Variants in CDH13 observed in about 807,000 individuals in gnomAD.
The protein encoded by CDH13 is cadherin 13, also known as cadherin-13.
In CDH13, 24 loss-of-function variants were observed where a neutral mutation model predicts 63.8. That is an observed-to-expected ratio of 0.38 (90% confidence interval 0.27 to 0.53). CDH13 has a LOEUF of 0.53. Among genes scored for constraint, CDH13 ranks in the 20% least tolerant of loss-of-function variants. CDH13 has a pLI of 0.85. For synonymous variants in CDH13, 503 were observed against 355.3 expected (o/e 1.42, Z -4.67); for missense variants, 1,049 against 903.1 (o/e 1.16, Z -2.07).
chr16:82,937,452 C>A (rs2042706581), intron 2 of CDH13, among the ~76,000 whole-genome samples: 1 of 152,126 alleles, frequency 6.6e-6, no homozygotes, highest in African/African-American at 2.4e-5. Flanking sequence ...CACACACACA[C>A]ACACACACAG....
chr16:83,095,057 C>A (rs941722675), intron 3 of CDH13, among the ~76,000 whole-genome samples: 13 of 152,180 alleles, frequency 8.5e-5, no homozygotes, highest in African/African-American at 2.7e-4. Context: ...AAATCCCACT[C>A]TTCCTCCCAA....
intron 6 of CDH13, among the ~76,000 whole-genome samples, chr16:83,474,993 C>T (rs2073564449): frequency 6.6e-6 from 1 of 152,256 alleles, no homozygotes; most frequent in Non-Finnish European, 1.5e-5. Context: ...GAGGCCGAGA[C>T]ACTGAGTGTC....
chr16:83,232,549 C>CAAAAAA (rs752481819), intron 5 of CDH13, among the ~76,000 whole-genome samples: 1 of 104,472 alleles, frequency 9.6e-6, no homozygotes, highest in African/African-American at 3.2e-5. Flanking sequence ...CAACAACAAA[C>CAAAAAA]AAACAAAAAA....
rs74034253 is a variant in CDH13 at position 83,516,980 on chromosome 16, T to C, written c.960+30325T>C. Among the ~76,000 whole-genome samples, 541 of 152,100 alleles carry C rather than the reference T, an allele frequency of 3.6e-3. 2 individuals carry two copies. Among genetic ancestry groups the C allele is most frequent in the African/African-American group, 0.012 (518 of 41,486 alleles). On this transcript the variant is annotated intron_variant, in intron 7 of 13. Coordinates refer to ENST00000567109, the MANE Select transcript of CDH13 (RefSeq NM_001257.5). ...AAAATATTGTCACCAGAGAAATCAG[T>C]GAGTGTAAGAAATTGCTGGTGTAGT...
intron 6 of CDH13, among the ~76,000 whole-genome samples, chr16:83,356,961 C>T (rs911965633): frequency 6.6e-6 from 1 of 152,102 alleles, no homozygotes; most frequent in Non-Finnish European, 1.5e-5. Context: ...CTTGTGTTTT[C>T]TTTCTTGCTC....
At chr16:82,791,124 C>A (rs2036276423) in intron 1 of CDH13, among the ~76,000 whole-genome samples, 1 of 151,872 alleles carries the variant, frequency 6.6e-6, no homozygotes, top group Non-Finnish European at 1.5e-5. Context: ...GCAGTTCCAG[C>A]TACTCGGGAG....
At chr16:82,950,106 G>A (rs1310577994) in intron 2 of CDH13, among the ~76,000 whole-genome samples, 1 of 152,110 alleles carries the variant, frequency 6.6e-6, no homozygotes, top group Non-Finnish European at 1.5e-5. Context: ...TAAATTTCCT[G>A]TCAATCTCTT....
At chr16:83,687,761 C>T (rs539741383) in intron 10 of CDH13, among the ~76,000 whole-genome samples, 4 of 152,354 alleles carry the variant, frequency 2.6e-5, no homozygotes, top group Admixed American at 2.0e-4. Flanking sequence ...GTGCAGGTCT[C>T]TCACAGAACT....
At chr16:83,327,283 G>T (rs1300642949) in intron 5 of CDH13, among the ~76,000 whole-genome samples, 1 of 152,210 alleles carries the variant, frequency 6.6e-6, no homozygotes, top group Non-Finnish European at 1.5e-5. Flanking sequence ...TTTTGAGAGT[G>T]ACAATAACTT....
Position 82,801,267 on chromosome 16 carries a change from G to C in CDH13, c.46-57095G>C, listed in dbSNP as rs572239550. Among the ~76,000 whole-genome samples the C allele has an allele frequency of 6.6e-5, 10 of 152,262 alleles. No individual in the cohort carries two copies. In the South Asian group the frequency reaches 2.1e-3, roughly 32 times the overall value. ...CAAGCCATTTCCCACTCTGCTATCA[G>C]CCTGTTTCTGTTAACCTGGCTGGTG... On this transcript the variant is annotated intron_variant, in intron 1 of 13. Coordinates refer to ENST00000567109, the MANE Select transcript of CDH13 (RefSeq NM_001257.5).
At chr16:83,351,457 G>A (rs1229248444) in intron 6 of CDH13, among the ~76,000 whole-genome samples, 4 of 152,132 alleles carry the variant, frequency 2.6e-5, no homozygotes, top group African/African-American at 9.7e-5. Flanking sequence ...TCTACACAGA[G>A]AGATGCAGGT....
intron 6 of CDH13, among the ~76,000 whole-genome samples, chr16:83,408,422 C>G (rs1480762866): frequency 1.3e-5 from 2 of 152,164 alleles, no homozygotes; most frequent in South Asian, 2.1e-4. Flanking sequence ...ACATGCCTAT[C>G]CTGTATGACA....
At position 83,047,146 on chromosome 16, in the gene CDH13, C is replaced by A. The variant is rs945112686; in HGVS notation, c.366+14928C>A. Among the ~76,000 whole-genome samples the A allele has an allele frequency of 3.3e-5, 5 of 152,160 alleles. No individual in the cohort carries two copies. The highest frequency in any genetic ancestry group is 1.2e-4 in the African/African-American group (5 of 41,422). On this transcript the variant is annotated intron_variant, in intron 3 of 13. Coordinates refer to ENST00000567109, the MANE Select transcript of CDH13 (RefSeq NM_001257.5). This position sits in a 1 kb window ranked among gnomAD's most constrained non-coding sequence, Gnocchi z 4.9. Reference sequence around the variant, plus strand: ...TAAAGCTTTAAACAGTAGTAGTTCTCCGTGAGACCCAAGGAAAGGTCTGCA... The same window carrying A: ...TAAAGCTTTAAACAGTAGTAGTTCTACGTGAGACCCAAGGAAAGGTCTGCA...
intron 2 of CDH13, among the ~76,000 whole-genome samples, chr16:82,978,822 A>C (rs970906838): frequency 1.3e-5 from 2 of 152,242 alleles, no homozygotes; most frequent in Non-Finnish European, 2.9e-5. Context: ...GGCACTGCTT[A>C]GTGGAGCTGT....
Position 83,751,303 on chromosome 16 carries a change from T to G in CDH13, c.1681+3053T>G, listed in dbSNP as rs569602559. Among the ~76,000 whole-genome samples the G allele has an allele frequency of 4.6e-5, 7 of 152,258 alleles. No individual in the cohort carries two copies. In the South Asian group the frequency reaches 1.5e-3, roughly 32 times the overall value. On this transcript the variant is annotated intron_variant, in intron 11 of 13. Transcript: ENST00000567109. The stretch of plus-strand genomic sequence containing the variant: ...TTGCCTCCAGAATAAACATTGTGTT[T>G]TACAAAGATACACAGGCACAGTGGC...
chr16:83,173,175 C>G (rs575479406), intron 4 of CDH13, among the ~76,000 whole-genome samples: 1 of 152,206 alleles, frequency 6.6e-6, no homozygotes, highest in South Asian at 2.1e-4. Context: ...TTACATATGT[C>G]CAGCCAGAAT....
At chr16:82,961,373 G>C (rs764737427) in intron 2 of CDH13, among the ~76,000 whole-genome samples, 1 of 152,142 alleles carries the variant, frequency 6.6e-6, no homozygotes, top group Non-Finnish European at 1.5e-5. Context: ...AGACGAGAGA[G>C]GAAGTAATAT....
intron 2 of CDH13, among the ~76,000 whole-genome samples, chr16:82,994,318 G>C (rs80199114): frequency 0.022 from 3,328 of 152,180 alleles, 44 homozygotes; most frequent in South Asian, 0.031. Flanking sequence ...GTACAACCCT[G>C]GCCCTTGCAT....
intron 7 of CDH13, among the ~76,000 whole-genome samples, chr16:83,519,165 T>A (rs1476826716): frequency 6.6e-6 from 1 of 152,156 alleles, no homozygotes; most frequent in Non-Finnish European, 1.5e-5. Context: ...GAATTTTAGT[T>A]AGGTTAGGAG....
Sources: allele counts gnomAD v4.1 joint callset (sites outside exome capture counted in the v4.1 genomes callset), GRCh38; gene constraint gnomAD v4.1.1; non-coding constraint Gnocchi (gnomAD v3.1); transcripts MANE v1.5; gene names NCBI Gene and HGNC (gene_info 2026-07-23, HGNC 2026-07-21).